Variants in PALLD observed in about 807,000 individuals in gnomAD.
PALLD encodes palladin.
In PALLD, 61 loss-of-function variants were observed where a neutral mutation model predicts 123.5. The observed-to-expected ratio is 0.49, with a 90% CI of 0.40 to 0.61. The LOEUF is 0.61. Among genes scored for constraint, PALLD ranks in the 20% least tolerant of loss-of-function variants. The probability of loss-of-function intolerance (pLI) is 0.00; values close to 1 mark genes in which losing one functional copy is unlikely to be tolerated. For missense variants in PALLD, 1,273 were observed against 1,377.0 expected (o/e 0.92, Z 1.20); for synonymous variants, 465 against 496.4 (o/e 0.94, Z 0.84).
chr4:168,876,606 G>A (rs1238855368), intron 10 of PALLD, among the ~76,000 whole-genome samples: 1 of 152,196 alleles, frequency 6.6e-6, no homozygotes, highest in African/African-American at 2.4e-5. Context: ...ACTTGCTGAT[G>A]TTCCCACAGC....
chr4:168,607,598 T>C (rs1266942354), intron 2 of PALLD, among the ~76,000 whole-genome samples: 1 of 152,184 alleles, frequency 6.6e-6, no homozygotes, highest in Non-Finnish European at 1.5e-5. Flanking sequence ...ATTGGCACTT[T>C]TGATTATTTC....
intron 2 of PALLD, chr4:168,648,470 T>C (rs550589079): frequency 6.6e-6 from 1 of 152,322 alleles, no homozygotes; most frequent in South Asian, 2.1e-4. Context: ...GAGAATGCTG[T>C]CAGCGAAGAA....
chr4:168,586,240 A>T (rs1019572950), intron 2 of PALLD, among the ~76,000 whole-genome samples: 2 of 151,284 alleles, frequency 1.3e-5, no homozygotes, highest in East Asian at 1.9e-4. Flanking sequence ...AAAAGCTGAG[A>T]CTCTTCACCC....
In PALLD at chr4:168,512,319, G is replaced by T. The variant is rs140415820; in HGVS notation, c.815G>T (p.Arg272Leu). The change falls in exon 2 of 22, where the codon CGA (arginine) becomes CTA (leucine). Residue 272 changes from arginine to leucine, a missense_variant. Around this residue, in one of 2 missense-constraint regions of PALLD, gnomAD observed 944 missense variants for 954.5 expected, o/e 0.99. Coordinates refer to ENST00000505667, the MANE Select transcript of PALLD (RefSeq NM_001166108.2). ...HSALHFPAAPRFIQKLRSQEV... is the reference protein window; with the variant it reads ...HSALHFPAAPLFIQKLRSQEV... ...GCCCTCCACTTCCCAGCTGCACCTC[G>T]ATTCATCCAAAAGCTGAGGAGCCAA... 7 of 1,614,004 alleles carry T rather than the reference G, an allele frequency of 4.3e-6. No homozygotes were observed. In the East Asian group the frequency reaches 1.3e-4, roughly 31 times the overall value.
At chr4:168,824,523 A>AT (rs1441929725) in intron 10 of PALLD, among the ~76,000 whole-genome samples, 5 of 152,156 alleles carry the variant, frequency 3.3e-5, no homozygotes, top group Non-Finnish European at 7.4e-5. Context: ...AATTGACCAA[A>AT]TTTTCTCAAA....
Position 168,616,002 on chromosome 4 carries a change from T to C in PALLD, c.909-52188T>C, listed in dbSNP as rs145472942. On this transcript the variant is annotated intron_variant, in intron 2 of 21. Coordinates refer to ENST00000505667, the MANE Select transcript of PALLD (RefSeq NM_001166108.2). ...TGTTCCCATTTTTTTCTTTTTCCTTTTTTAAGCCATCCTTGGGTTTTGATG... is the reference window on the plus strand; with the variant it reads ...TGTTCCCATTTTTTTCTTTTTCCTTCTTTAAGCCATCCTTGGGTTTTGATG... Among the ~76,000 whole-genome samples the C allele has an allele frequency of 3.2e-4, 48 of 152,312 alleles. 1 individual carries two copies. In the East Asian group the frequency reaches 8.9e-3, roughly 28 times the overall value.
intron 10 of PALLD, among the ~76,000 whole-genome samples, chr4:168,719,456 C>G (rs965570537): frequency 6.6e-6 from 1 of 151,950 alleles, no homozygotes; most frequent in African/African-American, 2.4e-5. Flanking sequence ...GACGAGGTTT[C>G]ACCATGTTGG....
intron 3 of PALLD, among the ~76,000 whole-genome samples, chr4:168,679,141 TGTG>T (rs1413657515): frequency 2.3e-5 from 2 of 87,272 alleles, no homozygotes; most frequent in African/African-American, 5.0e-5. Flanking sequence ...TGAGTATGGA[TGTG>T]GTGTGTGGGG....
intron 10 of PALLD, among the ~76,000 whole-genome samples, chr4:168,753,674 A>C (rs1731372851): frequency 6.6e-6 from 1 of 152,118 alleles, no homozygotes; most frequent in Non-Finnish European, 1.5e-5. Flanking sequence ...TTTTGATAGG[A>C]TGCTCACTCA....
At chr4:168,723,800 T>C (rs1240197942) in intron 10 of PALLD, among the ~76,000 whole-genome samples, 3 of 152,322 alleles carry the variant, frequency 2.0e-5, no homozygotes, top group Admixed American at 2.0e-4. Flanking sequence ...TAATTACTAC[T>C]TACTTTTTAG....
rs1031579471 is a variant in PALLD at position 168,581,025 on chromosome 4, A to G, written c.908+68613A>G. ...CAGGAAAAAAAAAAAACTGTCAGAT[A>G]CTATGATTTGTACCCATGTGACAAA... is the stretch of plus-strand genomic sequence containing the variant. On this transcript the variant is annotated intron_variant, in intron 2 of 21. Coordinates refer to ENST00000505667, the MANE Select transcript of PALLD (RefSeq NM_001166108.2). Among the ~76,000 whole-genome samples, 4 of 151,972 alleles carry G rather than the reference A, an allele frequency of 2.6e-5. No individual in the cohort carries two copies. In the East Asian group the frequency reaches 7.7e-4, roughly 29 times the overall value.
At chr4:168,856,727 T>C (rs1386674969) in intron 10 of PALLD, among the ~76,000 whole-genome samples, 7 of 152,144 alleles carry the variant, frequency 4.6e-5, no homozygotes, top group African/African-American at 1.7e-4. Flanking sequence ...AGCCAGTAAA[T>C]AATAGAGTCT....
At chr4:168,598,666 G>A in intron 2 of PALLD, 2 of 337,750 alleles carry the variant, frequency 5.9e-6, no homozygotes, top group Non-Finnish European at 1.2e-5. Flanking sequence ...GAAGCTTTCT[G>A]TCATCTGCTG....
In PALLD at chr4:168,925,082, A is replaced by G. The variant is rs1281701005; in HGVS notation, c.3358+4A>G. 3.2e-5 allele frequency: 51 copies of G among 1,613,876 alleles called. No homozygotes were observed. The highest frequency in any genetic ancestry group is 4.3e-5 in the Non-Finnish European group (51 of 1,179,908). On this transcript the variant is annotated splice_donor_region_variant and intron_variant, in intron 20 of 21. Coordinates refer to ENST00000505667, the MANE Select transcript of PALLD (RefSeq NM_001166108.2). The stretch of plus-strand genomic sequence containing the variant: ...ACTGCCAGGCTGGACGTTTACAGTG[A>G]GTGCCACTTCATCTCATTTCATTGC...
intron 10 of PALLD, among the ~76,000 whole-genome samples, chr4:168,778,221 G>T (rs946010065): frequency 1.3e-5 from 2 of 152,048 alleles, no homozygotes; most frequent in African/African-American, 4.8e-5. Context: ...AATGTTTTTA[G>T]TAGGATCTTT....
At position 168,550,266 on chromosome 4, in the gene PALLD, T is replaced by G. The variant is rs77071608; in HGVS notation, c.908+37854T>G. 6.5e-4 allele frequency among the ~76,000 whole-genome samples: 79 copies of G among 122,048 alleles called. 1 individual carries two copies. In the East Asian group the frequency reaches 0.018, roughly 28 times the overall value. The allele number at this position is 122,048 out of a possible 152,430, so 80.1% of individuals were successfully genotyped here. A position where few individuals can be genotyped will look rare whatever the true frequency, so the allele number is the denominator to read the frequency against. On this transcript the variant is annotated intron_variant, in intron 2 of 21. Transcript: ENST00000505667. ...GATGACTTTACTTTGTCTGAGTCAG[T>G]GCAAAACTACATTTTTTTTTATCAA...
intron 2 of PALLD, among the ~76,000 whole-genome samples, chr4:168,662,948 A>G (rs899345697): frequency 6.6e-6 from 1 of 152,214 alleles, no homozygotes; most frequent in Non-Finnish European, 1.5e-5. Context: ...TCATATATGC[A>G]CTAACTAGAT....
At chr4:168,804,543 G>A (rs1434271539) in intron 10 of PALLD, among the ~76,000 whole-genome samples, 3 of 152,138 alleles carry the variant, frequency 2.0e-5, no homozygotes, top group South Asian at 2.1e-4. Context: ...TGACAAATTC[G>A]GATGCAAAAG....
chr4:168,651,129 G>A (rs1459167258), intron 2 of PALLD, among the ~76,000 whole-genome samples: 1 of 152,148 alleles, frequency 6.6e-6, no homozygotes, highest in Non-Finnish European at 1.5e-5. Flanking sequence ...CTGAGGTTAG[G>A]ACTAAATCTG....
Sources: gnomAD v4.1 joint callset for allele counts (sites outside exome capture counted in the v4.1 genomes callset) on GRCh38, gnomAD v4.1.1 for gene constraint, gnomAD v4.1.1 regional missense constraint, MANE v1.5 for transcripts, NCBI Gene and HGNC (gene_info 2026-07-23, HGNC 2026-07-21) for gene names.